PRELID2: variants seen among roughly 807,000 people sequenced by gnomAD.
PRELID2 encodes PRELI domain-containing protein 2.
PRELID2 carries 25 observed loss-of-function variants against 28.4 expected under a neutral mutation model. The ratio of observed to expected loss-of-function variants is 0.88; its 90% CI spans 0.64 to 1.23. The LOEUF (loss-of-function observed/expected upper bound fraction) is 1.23. Ranked by LOEUF, PRELID2 falls within the 50% of genes most tolerant of loss-of-function variation. The pLI, the probability that PRELID2 is intolerant of heterozygous loss-of-function variation, is 0.00. For missense variants in PRELID2, 201 were observed against 214.4 expected (o/e 0.94, Z 0.39); for synonymous variants, 76 against 71.6 (o/e 1.06, Z -0.31).
chr5:145,709,608 G>A (rs991271566), intron 1 of PRELID2, among the ~76,000 whole-genome samples: 1 of 151,000 alleles, frequency 6.6e-6, no homozygotes, highest in African/African-American at 2.5e-5. Flanking sequence ...AAAATGAAGT[G>A]TGTCTGCTCT....
intron 5 of PRELID2, among the ~76,000 whole-genome samples, chr5:145,785,201 C>T (rs1751910602): frequency 6.6e-6 from 1 of 152,142 alleles, no homozygotes; most frequent in Non-Finnish European, 1.5e-5. Context: ...TTTATGATCA[C>T]TTCATTCTAG....
intron 1 of PRELID2, among the ~76,000 whole-genome samples, chr5:145,572,337 G>C (rs756485424): frequency 2.6e-5 from 4 of 152,084 alleles, no homozygotes; most frequent in Non-Finnish European, 5.9e-5. Flanking sequence ...GGATCTCCTG[G>C]GGCTGTGTCA....
rs1287573364 is a variant in PRELID2, at chr5:145,817,822, G to T, written c.368+72C>A. On this transcript the variant is annotated intron_variant, in intron 4 of 6. Coordinates refer to ENST00000683046, the MANE Select transcript of PRELID2 (RefSeq NM_205846.3). ...CAGTGGTCATAAGTATAGAACCATA[G>T]ATTTTTAATGTATGTACTCATGTGT... is the stretch of plus-strand genomic sequence containing the variant. 2.3e-6 allele frequency: 3 copies of T among 1,277,832 alleles called. No individual in the cohort carries two copies. In the African/African-American group the frequency reaches 4.6e-5, roughly 20 times the overall value. 79.2% of individuals were successfully genotyped at this position (1,277,832 alleles called of 1,614,324 possible).
At chr5:145,647,972 T>C (rs13436850) in intron 1 of PRELID2, among the ~76,000 whole-genome samples, 2,455 of 152,320 alleles carry the variant, frequency 0.016, 71 homozygotes, top group African/African-American at 0.056. Context: ...AGACCAGAGC[T>C]GTTCCTATTT....
intron 1 of PRELID2, among the ~76,000 whole-genome samples, chr5:145,603,679 A>G (rs1398734735): frequency 6.6e-6 from 1 of 152,166 alleles, no homozygotes; most frequent in Non-Finnish European, 1.5e-5. Flanking sequence ...ACTTTTAAAA[A>G]TAATAATAAT....
chr5:145,409,748 CTG>C, the PRELID2 span, among the ~76,000 whole-genome samples: 1 of 117,598 alleles, frequency 8.5e-6, no homozygotes. Flanking sequence ...CCCATCTCTA[CTG>C]AAAAAAAAAA....
At chr5:145,365,680 C>T in the PRELID2 span, among the ~76,000 whole-genome samples, 2 of 151,868 alleles carry the variant, frequency 1.3e-5, no homozygotes, top group African/African-American at 4.8e-5. Context: ...GGCAGAGAGA[C>T]AGATCATGGT....
chr5:145,637,269 A>G (rs961025451), intron 1 of PRELID2, among the ~76,000 whole-genome samples: 25 of 152,236 alleles, frequency 1.6e-4, no homozygotes, highest in Admixed American at 1.3e-3. Flanking sequence ...TAAAAATCCA[A>G]TGAAGGAGAT....
At chr5:145,330,230 T>A in the PRELID2 span, among the ~76,000 whole-genome samples, 1 of 152,174 alleles carries the variant, frequency 6.6e-6, no homozygotes, top group Admixed American at 6.5e-5. Flanking sequence ...TGACCTGAAA[T>A]TTTCTTCTGT....
the PRELID2 span, among the ~76,000 whole-genome samples, chr5:145,287,503 T>G: frequency 6.6e-6 from 1 of 152,184 alleles, no homozygotes; most frequent in Non-Finnish European, 1.5e-5. Flanking sequence ...ATATGCAATT[T>G]AAAACTTATA....
At chr5:145,832,572 C>G (rs681582) in intron 1 of PRELID2, among the ~76,000 whole-genome samples, 82,491 of 151,746 alleles carry the variant, frequency 0.54, 23,139 homozygotes, top group Middle Eastern at 0.67. Context: ...GTGGCTAAGG[C>G]TGTGAGTTTC....
the PRELID2 span, among the ~76,000 whole-genome samples, chr5:145,252,340 A>T: frequency 6.6e-6 from 1 of 152,134 alleles, no homozygotes; most frequent in African/African-American, 2.4e-5. Flanking sequence ...TATTCCAGGT[A>T]ATGCCTTCCC....
intron 1 of PRELID2, among the ~76,000 whole-genome samples, chr5:145,492,427 T>A (rs1284698159): frequency 9.4e-6 from 1 of 106,316 alleles, no homozygotes; most frequent in Non-Finnish European, 2.3e-5. Flanking sequence ...TGACCCCTTA[T>A]CAGATGTATA....
the PRELID2 span, among the ~76,000 whole-genome samples, chr5:145,423,061 G>A: frequency 6.7e-6 from 1 of 149,276 alleles, no homozygotes; most frequent in Non-Finnish European, 1.5e-5. Flanking sequence ...TTGAATATTG[G>A]CCCCCACTCT....
At chr5:145,279,819 T>C in the PRELID2 span, among the ~76,000 whole-genome samples, 1 of 149,982 alleles carries the variant, frequency 6.7e-6, no homozygotes, top group African/African-American at 2.5e-5. Flanking sequence ...TGGAACAAAT[T>C]TAGTTTTTGA....
chr5:145,344,346 A>G, the PRELID2 span, among the ~76,000 whole-genome samples: 1 of 152,120 alleles, frequency 6.6e-6, no homozygotes, highest in African/African-American at 2.4e-5. Context: ...AGGACAGTCA[A>G]CATATGCAAA....
At chr5:145,338,057 A>G in the PRELID2 span, 1 of 152,236 alleles carries the variant, frequency 6.6e-6, no homozygotes, top group Admixed American at 6.5e-5. Flanking sequence ...CAAATAAAAC[A>G]TGTATATAAT....
intron 1 of PRELID2, among the ~76,000 whole-genome samples, chr5:145,519,915 C>T (rs375375580): frequency 3.2e-4 from 48 of 152,264 alleles, no homozygotes; most frequent in South Asian, 1.7e-3. Context: ...TATTGTGAAA[C>T]TCATTAAGAT....
the PRELID2 span, among the ~76,000 whole-genome samples, chr5:145,459,813 A>ATT: frequency 4.4e-4 from 62 of 141,950 alleles, no homozygotes; most frequent in African/African-American, 1.2e-3. Context: ...TTACAATTTA[A>ATT]TTTTTTTTTT....
Sources: allele counts gnomAD v4.1 joint callset (sites outside exome capture counted in the v4.1 genomes callset), GRCh38; gene constraint gnomAD v4.1.1; transcripts MANE v1.5; gene names NCBI Gene and HGNC (gene_info 2026-07-23, HGNC 2026-07-21).